AQP1: variants seen among roughly 807,000 people sequenced by gnomAD.
The protein encoded by AQP1 is aquaporin 1 (Colton blood group), also known as aquaporin-1.
In AQP1, 11 loss-of-function variants were observed where a neutral mutation model predicts 19.7. The observed-to-expected ratio is 0.56, with a 90% CI of 0.35 to 0.92. The LOEUF (loss-of-function observed/expected upper bound fraction) is 0.92, where lower values mean the gene tolerates loss of function less well. AQP1 is among the 40% of genes least tolerant of loss of function. The pLI is 0.01. For synonymous variants in AQP1, 159 were observed against 166.7 expected, an observed-to-expected ratio of 0.95 and a Z score of 0.36; for missense variants, 320 against 369.7, an observed-to-expected ratio of 0.87 and a Z score of 1.10.
chr7:30,922,848 C>T (rs533946900), intron 3 of AQP1, among the ~76,000 whole-genome samples: 3 of 152,358 alleles, frequency 2.0e-5, no homozygotes, highest in East Asian at 1.9e-4. Context: ...CCTCCCAGCT[C>T]GGCCCTGCCC....
Position 30,923,919 on chromosome 7 carries a change from A to T in AQP1, c.*290A>T. The T allele has an allele frequency of 6.9e-7, 1 of 1,449,376 alleles. No homozygotes were observed. Among genetic ancestry groups the T allele is most frequent in the Non-Finnish European group, 9.2e-7 (1 of 1,086,194 alleles). 89.8% of individuals were successfully genotyped at this position (1,449,376 alleles called of 1,614,324 possible). A position where few individuals can be genotyped will look rare whatever the true frequency, so the allele number is the denominator to read the frequency against. Reference sequence around the variant, plus strand: ...GGGACCCACCTGCTAGTCGCCCCTCAGAGCATGATGGGAGGTGTGCCAGAA... The same window carrying T: ...GGGACCCACCTGCTAGTCGCCCCTCTGAGCATGATGGGAGGTGTGCCAGAA... On this transcript the variant is annotated 3_prime_UTR_variant, in exon 4 of 4. Coordinates refer to ENST00000311813, the MANE Select transcript of AQP1 (RefSeq NM_198098.4). This position sits in a 1 kb window ranked among gnomAD's most constrained non-coding sequence, Gnocchi z 4.8.
In AQP1 at chr7:30,924,785, C is replaced by A. The variant is rs1791635124; in HGVS notation, c.*1156C>A. 6.6e-6 allele frequency: 1 copy of A among 152,238 alleles called. No individual in the cohort carries two copies. The allele number at this position is 152,238 out of a possible 1,614,324, so 9.4% of individuals were successfully genotyped here. On this transcript the variant is annotated 3_prime_UTR_variant, in exon 4 of 4. Transcript: ENST00000311813. ...TCAGCTGGTCCTGACCAGGATGGAG[C>A]AAGCTCTTCCCTTGCTCATGAGCTC...
In AQP1 at chr7:30,923,039, C is replaced by G. The variant is rs1374682436; in HGVS notation, c.630+395C>G. Among the ~76,000 whole-genome samples the G allele has an allele frequency of 5.3e-5, 8 of 152,216 alleles. No individual in the cohort carries two copies. Among genetic ancestry groups the G allele is most frequent in the African/African-American group, 1.7e-4 (7 of 41,458 alleles). ...CAGGGTGGCCGAGAAGAGGAAAGGGCTCACTCCCCATCTGTAAACTGAGCT... is the reference window on the plus strand; with the variant it reads ...CAGGGTGGCCGAGAAGAGGAAAGGGGTCACTCCCCATCTGTAAACTGAGCT... On this transcript the variant is annotated intron_variant, in intron 3 of 3. Transcript: ENST00000311813. This position sits in a 1 kb window ranked among gnomAD's most constrained non-coding sequence, Gnocchi z 4.8.
chr7:30,919,535 T>C (rs961325658), intron 1 of AQP1, among the ~76,000 whole-genome samples: 5 of 148,204 alleles, frequency 3.4e-5, no homozygotes. Flanking sequence ...AATTGAGAAT[T>C]GAGAATTGTT....
intron 2 of AQP1, 27 bp downstream of exon 2, chr7:30,922,257 G>A (rs201223126): frequency 5.7e-6 from 9 of 1,565,940 alleles, no homozygotes; most frequent in African/African-American, 4.0e-5. Context: ...CCCAGATGGA[G>A]GTGGGGGAAG....
chr7:30,916,173 G>A (rs1056418059), intron 1 of AQP1, among the ~76,000 whole-genome samples: 23 of 152,172 alleles, frequency 1.5e-4, no homozygotes, highest in African/African-American at 4.8e-4. Flanking sequence ...CTCTGAAGGG[G>A]CCATGCTTTG....
chr7:30,921,335 T>A, intron 1 of AQP1: 1 of 1,347,764 alleles, frequency 7.4e-7, no homozygotes, highest in Non-Finnish European at 9.5e-7. Context: ...AGCCAGACGG[T>A]GGTGGCGGGG....
intron 1 of AQP1, among the ~76,000 whole-genome samples, chr7:30,917,339 T>C (rs1467359805): frequency 1.3e-5 from 2 of 151,940 alleles, no homozygotes; most frequent in Admixed American, 1.3e-4. Context: ...GATTCCTCAA[T>C]GGAGCCTTTT....
At chr7:30,921,021 G>A (rs537337453) in intron 1 of AQP1, among the ~76,000 whole-genome samples, 122 of 152,312 alleles carry the variant, frequency 8.0e-4, no homozygotes, top group Non-Finnish European at 7.6e-4. Context: ...GATGGGAGCT[G>A]GGTAGTTTGT....
intron 1 of AQP1, chr7:30,921,297 T>G (rs1791491984): frequency 1.5e-6 from 2 of 1,305,294 alleles, no homozygotes; most frequent in Non-Finnish European, 1.9e-6. Flanking sequence ...TGAGTCATGT[T>G]TCTAAAAGTG....
At chr7:30,914,609 G>C (rs548905679) in intron 1 of AQP1, among the ~76,000 whole-genome samples, 8 of 152,334 alleles carry the variant, frequency 5.3e-5, no homozygotes, top group African/African-American at 1.9e-4. Context: ...GAACTGGAGG[G>C]GCCTCAGGGG....
In AQP1 at chr7:30,925,375, G is replaced by A. The variant is rs538036799; in HGVS notation, c.*1746G>A. 25 of 152,296 alleles carry A rather than the reference G, an allele frequency of 1.6e-4. No homozygotes were observed. Among genetic ancestry groups the A allele is most frequent in the Admixed American group, 1.4e-3 (22 of 15,292 alleles). 9.4% of individuals were successfully genotyped at this position (152,296 alleles called of 1,614,324 possible). On this transcript the variant is annotated 3_prime_UTR_variant, in exon 4 of 4. Transcript: ENST00000311813. ...GAGTGGGGAGAGTTGTGATGGAGGG[G>A]AGAGGGGTCACACCCACCCCCTGCC...
intron 1 of AQP1, among the ~76,000 whole-genome samples, chr7:30,919,833 G>C (rs1273482356): frequency 6.6e-6 from 1 of 152,192 alleles, no homozygotes; most frequent in Non-Finnish European, 1.5e-5. Context: ...AAGTGTATTA[G>C]ATAGTTGAAG....
Position 30,911,875 on chromosome 7 carries a change from C to T in AQP1, c.-35C>T. ...CTCAGCTCTCAGAGGGAATTGAGCA[C>T]CCGGCAGCGGTCTCAGGCCAAGCCC... On this transcript the variant is annotated 5_prime_UTR_variant, in exon 1 of 4. Coordinates refer to ENST00000311813, the MANE Select transcript of AQP1 (RefSeq NM_198098.4). The T allele has an allele frequency of 1.2e-6, 2 of 1,611,966 alleles. No individual in the cohort carries two copies. Among genetic ancestry groups the T allele is most frequent in the Non-Finnish European group, 8.5e-7 (1 of 1,179,984 alleles).
At chr7:30,915,028 A>T (rs1791276668) in intron 1 of AQP1, among the ~76,000 whole-genome samples, 1 of 152,208 alleles carries the variant, frequency 6.6e-6, no homozygotes, top group South Asian at 2.1e-4. Flanking sequence ...AGCCACTAAC[A>T]CCATGTGGCA....
In AQP1 at chr7:30,922,639, C is replaced by G. The variant is rs1331247328; in HGVS notation, c.625C>G (p.His209Asp). The change falls in exon 3 of 4, where the codon CAC becomes GAC. Residue 209 changes from histidine to aspartate, a missense_variant. Coordinates refer to ENST00000311813, the MANE Select transcript of AQP1 (RefSeq NM_198098.4). ...SAVITHNFSN[H>D]WIFWVGPFIG... is the part of the protein sequence containing the mutation. ...GGTGATCACACACAACTTCAGCAACCACTGGGTAGGAGACCCACGGGGGGT... is the reference window on the plus strand; with the variant it reads ...GGTGATCACACACAACTTCAGCAACGACTGGGTAGGAGACCCACGGGGGGT... 1 of 1,614,030 alleles carries G rather than the reference C, an allele frequency of 6.2e-7. No homozygotes were observed. The highest frequency in any genetic ancestry group is 1.7e-5 in the Admixed American group (1 of 60,024).
Position 30,923,385 on chromosome 7 carries a change from A to ACC in AQP1, c.631-64_631-63dup. The ACC allele has an allele frequency of 1.9e-6, 3 of 1,609,906 alleles. No homozygotes were observed. The Admixed American group carries it at 5.0e-5, about 27-fold the overall frequency. On this transcript the variant is annotated intron_variant, in intron 3 of 3. Coordinates refer to ENST00000311813, the MANE Select transcript of AQP1 (RefSeq NM_198098.4). This position sits in a 1 kb window ranked among gnomAD's most constrained non-coding sequence, Gnocchi z 4.8. ...CAACGGGGTGGTGGGCTGTGGGGTA[A>ACC]CCTAGGGAACGCTTCCCAGGGGCTT...
At position 30,924,345 on chromosome 7, in the gene AQP1, C is replaced by T. The variant is rs1469157864; in HGVS notation, c.*716C>T. On this transcript the variant is annotated 3_prime_UTR_variant, in exon 4 of 4. Transcript: ENST00000311813. The stretch of plus-strand genomic sequence containing the variant: ...TTCCACTTGCCCTGTGTTCTTTCCC[C>T]AGGGGCATGACTGTCGCCACACGCC... 2 of 184,074 alleles carry T rather than the reference C, an allele frequency of 1.1e-5. No homozygotes were observed. The highest frequency in any genetic ancestry group is 4.6e-5 in the African/African-American group (2 of 43,030). The allele number at this position is 184,074 out of a possible 1,614,324, so 11.4% of individuals were successfully genotyped here. A position where few individuals can be genotyped will look rare whatever the true frequency, so the allele number is the denominator to read the frequency against.
In AQP1 at chr7:30,912,132, C is replaced by T. The variant is rs971080900; in HGVS notation, c.223C>T (p.Leu75Phe). 2 of 1,613,066 alleles carry T rather than the reference C, an allele frequency of 1.2e-6. No individual in the cohort carries two copies. The highest frequency in any genetic ancestry group is 1.7e-6 in the Non-Finnish European group (2 of 1,180,052). Residue 75 changes from leucine (L) to phenylalanine (F), a missense_variant, in exon 1 of 4, where the codon CTC becomes TTC. Physicochemically the swap from Leu to Phe is conservative, Grantham distance 22. Transcript: ENST00000311813. The surrounding 1 kb of genome is among the most constrained non-coding windows in gnomAD (Gnocchi z 4.3). ...TGTGGGCCACATCAGCGGCGCCCAC[C>T]TCAACCCGGCTGTCACACTGGGGCT... is the stretch of plus-strand genomic sequence containing the variant. ...QSVGHISGAHLNPAVTLGLLL... is the reference protein window; with the variant it reads ...QSVGHISGAHFNPAVTLGLLL...
Sources: gnomAD v4.1 joint callset for allele counts (sites outside exome capture counted in the v4.1 genomes callset) on GRCh38, gnomAD v4.1.1 for gene constraint, Gnocchi (gnomAD v3.1) non-coding constraint, MANE v1.5 for transcripts, NCBI Gene and HGNC (gene_info 2026-07-23, HGNC 2026-07-21) for gene names.